FGF14: variants seen among roughly 807,000 people sequenced by gnomAD.
FGF14 encodes fibroblast growth factor 14.
In FGF14, 5 loss-of-function variants were observed where a neutral mutation model predicts 25.5. The observed-to-expected ratio is 0.20, with a 90% CI of 0.10 to 0.41. The LOEUF (loss-of-function observed/expected upper bound fraction) is 0.41, where lower values mean the gene tolerates loss of function less well. Among genes scored for constraint, FGF14 ranks in the 10% least tolerant of loss-of-function variants. FGF14 has a pLI of 1.00. For missense variants in FGF14, 222 were observed against 320.1 expected, an observed-to-expected ratio of 0.69 and a Z score of 2.34; for synonymous variants, 138 against 118.3, an observed-to-expected ratio of 1.17 and a Z score of -1.08.
chr13:101,772,936 A>T (rs1234142734), intron 3 of FGF14, among the ~76,000 whole-genome samples: 1 of 152,054 alleles, frequency 6.6e-6, no homozygotes, highest in African/African-American at 2.4e-5. Context: ...TAATCAATTT[A>T]CTCTGTTGAT....
chr13:102,202,803 C>A (rs777955215), intron 1 of FGF14, among the ~76,000 whole-genome samples: 3 of 152,154 alleles, frequency 2.0e-5, no homozygotes, highest in Non-Finnish European at 2.9e-5. Flanking sequence ...TTTCTGAGTT[C>A]CATGGCATTA....
At chr13:101,735,690 A>T (rs1271837971) in intron 3 of FGF14, among the ~76,000 whole-genome samples, 5 of 150,870 alleles carry the variant, frequency 3.3e-5, no homozygotes, top group Admixed American at 1.3e-4. Context: ...AAAAAAGCTC[A>T]TTGTTGTTAT....
intron 1 of FGF14, among the ~76,000 whole-genome samples, chr13:102,073,130 T>G (rs1385991398): frequency 1.3e-5 from 2 of 152,100 alleles, no homozygotes; most frequent in African/African-American, 4.8e-5. Context: ...CACATACCTG[T>G]AGACCCAGCT....
At chr13:102,248,849 AAAAGCATTAAAAGAAAAGAATGATTG>A (rs1274994429) in intron 1 of FGF14, among the ~76,000 whole-genome samples, 54 of 152,308 alleles carry the variant, frequency 3.5e-4, no homozygotes, top group African/African-American at 1.2e-3. Flanking sequence ...GAAAGCTGAA[AAAAGCATTAAAAGAAAAGAATGATTG>A]AGACTTGATG....
intron 1 of FGF14, among the ~76,000 whole-genome samples, chr13:102,046,572 G>A (rs750362315): frequency 5.9e-5 from 9 of 152,090 alleles, no homozygotes; most frequent in Non-Finnish European, 1.0e-4. Flanking sequence ...TTAATGCACC[G>A]TTCTGTTAAA....
intron 1 of FGF14, among the ~76,000 whole-genome samples, chr13:102,108,067 T>G (rs1465531293): frequency 6.6e-6 from 1 of 152,190 alleles, no homozygotes; most frequent in Non-Finnish European, 1.5e-5. Context: ...TAAATTGAAT[T>G]ATATTTAATA....
intron 1 of FGF14, among the ~76,000 whole-genome samples, chr13:102,068,533 G>T (rs1415629567): frequency 6.6e-6 from 1 of 152,198 alleles, no homozygotes; most frequent in Non-Finnish European, 1.5e-5. Context: ...CTGGAGTTCC[G>T]GGTGGGCATG....
intron 1 of FGF14, among the ~76,000 whole-genome samples, chr13:101,932,464 C>G (rs1010563503): frequency 7.3e-6 from 1 of 136,058 alleles, no homozygotes; most frequent in African/African-American, 3.0e-5. Flanking sequence ...ATCTGCGAGT[C>G]GGAGGTTGCA....
intron 1 of FGF14, among the ~76,000 whole-genome samples, chr13:102,074,836 T>A (rs1040322855): frequency 6.6e-6 from 1 of 152,212 alleles, no homozygotes; most frequent in Admixed American, 6.5e-5. Context: ...CGTATGATCA[T>A]CTCAACAGAT....
chr13:101,868,201 A>G (rs748948729), intron 3 of FGF14, among the ~76,000 whole-genome samples: 7 of 152,168 alleles, frequency 4.6e-5, no homozygotes, highest in African/African-American at 7.2e-5. Flanking sequence ...TAAATAGAAA[A>G]TATTTCAGAA....
At chr13:102,220,369 G>A (rs2050555306) in intron 1 of FGF14, among the ~76,000 whole-genome samples, 1 of 98,180 alleles carries the variant, frequency 1.0e-5, no homozygotes, top group South Asian at 3.1e-4. Flanking sequence ...CTCACTTCTA[G>A]TCATCAACAT....
intron 1 of FGF14, among the ~76,000 whole-genome samples, chr13:102,146,624 T>C (rs563730096): frequency 2.6e-5 from 4 of 152,248 alleles, no homozygotes; most frequent in East Asian, 3.9e-4. Flanking sequence ...AGTACAGGTA[T>C]TTAGTGTCAG....
At chr13:102,064,679 C>T (rs1387742151) in intron 1 of FGF14, among the ~76,000 whole-genome samples, 1 of 151,908 alleles carries the variant, frequency 6.6e-6, no homozygotes, top group Non-Finnish European at 1.5e-5. Flanking sequence ...TTCCTGGGTT[C>T]TGCATCTGCA....
intron 1 of FGF14, among the ~76,000 whole-genome samples, chr13:102,183,775 C>A (rs1371653619): frequency 6.6e-6 from 1 of 152,120 alleles, no homozygotes; most frequent in African/African-American, 2.4e-5. Flanking sequence ...ATCGGACAGA[C>A]CTAGATTCAA....
chr13:102,349,605 A>C (rs886821264), intron 1 of FGF14, among the ~76,000 whole-genome samples: 11 of 152,236 alleles, frequency 7.2e-5, no homozygotes, highest in African/African-American at 2.7e-4. Context: ...GAAAGATAAT[A>C]AAAATGCATC....
intron 1 of FGF14, among the ~76,000 whole-genome samples, chr13:101,893,606 A>G (rs1263380806): frequency 2.0e-5 from 3 of 152,148 alleles, no homozygotes; most frequent in Admixed American, 6.6e-5. Context: ...AGAGGTGACT[A>G]TTAAGTAATT....
intron 3 of FGF14, among the ~76,000 whole-genome samples, chr13:101,841,439 A>C (rs1460504254): frequency 6.6e-6 from 1 of 151,992 alleles, no homozygotes; most frequent in Non-Finnish European, 1.5e-5. Flanking sequence ...GAGTTAGCCT[A>C]AGTTAAATTG....
chr13:102,323,957 A>ATGTGTGTGTGTG (rs3066051), intron 1 of FGF14, among the ~76,000 whole-genome samples: 13 of 136,420 alleles, frequency 9.5e-5, no homozygotes, highest in South Asian at 5.1e-4. Context: ...AACGTGCAGT[A>ATGTGTGTGTGTG]TGTGTGTGTG....
chr13:101,897,898 A>G (rs2030939611), intron 1 of FGF14, among the ~76,000 whole-genome samples: 1 of 151,766 alleles, frequency 6.6e-6, no homozygotes, highest in Non-Finnish European at 1.5e-5. Context: ...AATTTATTTT[A>G]TTTTTTATTT....
Sources: allele counts gnomAD v4.1 joint callset (sites outside exome capture counted in the v4.1 genomes callset), GRCh38; gene constraint gnomAD v4.1.1; transcripts MANE v1.5; gene names NCBI Gene and HGNC (gene_info 2026-07-23, HGNC 2026-07-21).